Variants in SOD2 observed in about 807,000 individuals in gnomAD.
SOD2 encodes superoxide dismutase [Mn], mitochondrial.
In SOD2, 11 loss-of-function variants were observed where a neutral mutation model predicts 27.0. The observed-to-expected ratio is 0.41, with a 90% CI of 0.26 to 0.67. The LOEUF (loss-of-function observed/expected upper bound fraction) is 0.67, where lower values mean the gene tolerates loss of function less well. Ranked by LOEUF, SOD2 falls within the 30% of genes least tolerant of loss-of-function variation. The pLI is 0.34. For synonymous variants in SOD2, 105 were observed against 103.0 expected, an observed-to-expected ratio of 1.02 and a Z score of -0.12; for missense variants, 250 against 274.5, an observed-to-expected ratio of 0.91 and a Z score of 0.63.
chr6:159,716,616 T>C (rs1377046955), intron 1 of SOD2, among the ~76,000 whole-genome samples: 1 of 152,158 alleles, frequency 6.6e-6, no homozygotes, highest in African/African-American at 2.4e-5. Context: ...ATGACAGCCA[T>C]GCTTGCCTTA....
intron 1 of SOD2, among the ~76,000 whole-genome samples, chr6:159,720,085 C>A (rs1355549665): frequency 6.7e-6 from 1 of 149,476 alleles, no homozygotes; most frequent in South Asian, 2.1e-4. Context: ...GGCTGGAGTG[C>A]AGTGGCACGA....
chr6:159,761,914 G>C (rs1314319623), exon 1 of SOD2: 1 of 674,316 alleles, frequency 1.5e-6, no homozygotes, highest in Non-Finnish European at 2.4e-6. Flanking sequence ...GCCCGCCCCT[G>C]CTCCGGCCTT....
intron 2 of SOD2, chr6:159,691,294 T>G (rs955546875): frequency 6.6e-5 from 10 of 152,336 alleles, no homozygotes; most frequent in East Asian, 5.8e-4. Context: ...TGTTATTTCC[T>G]AAATCACGGG....
In SOD2 at chr6:159,762,162, C is replaced by T. The variant is rs758339068; in HGVS notation, c.-1461G>A. 3.1e-6 allele frequency: 5 copies of T among 1,606,372 alleles called. No individual in the cohort carries two copies. The South Asian group carries it at 3.3e-5, about 11-fold the overall frequency. The stretch of plus-strand genomic sequence containing the variant: ...TCATAGGTGAGTGGCCGGCGGGAGC[C>T]GCGCAGAGTCCGAGGCGCCTGCTGC... On this transcript the variant is annotated 5_prime_UTR_variant, in exon 1 of 8. Transcript: ENST00000546087.
At chr6:159,693,323 GC>G (rs1265065197), upstream of SOD2, 4 of 348,386 alleles carry the variant, frequency 1.1e-5, no homozygotes, top group Non-Finnish European at 1.8e-5. Context: ...GGGCACCGCC[GC>G]CCCGCCCCCC....
intron 1 of SOD2, among the ~76,000 whole-genome samples, chr6:159,735,209 C>A (rs747755607): frequency 6.6e-6 from 1 of 152,168 alleles, no homozygotes; most frequent in Non-Finnish European, 1.5e-5. Flanking sequence ...CGCGCCATCT[C>A]GGCTCACTGC....
At chr6:159,728,278 T>C (rs553058540), upstream of SOD2, among the ~76,000 whole-genome samples, 64 of 152,346 alleles carry the variant, frequency 4.2e-4, no homozygotes, top group African/African-American at 1.5e-3. Context: ...GATTTTTTTT[T>C]CACCGTTTTT....
chr6:159,702,832 A>AAGAGTGAAGGGCTTCTGTTTTT, intron 1 of SOD2, among the ~76,000 whole-genome samples: 1 of 133,448 alleles, frequency 7.5e-6, no homozygotes, highest in Non-Finnish European at 1.6e-5. Context: ...CCTGGGCGAC[A>AAGAGTGAAGGGCTTCTGTTTTT]GAGCAAGACC....
intron 1 of SOD2, among the ~76,000 whole-genome samples, chr6:159,706,856 A>C (rs559084113): frequency 3.6e-4 from 55 of 152,228 alleles, no homozygotes; most frequent in Non-Finnish European, 6.9e-4. Context: ...AAAACTGACC[A>C]CATAGTTGGA....
At chr6:159,725,199 C>T (rs1209902951) in intron 1 of SOD2, among the ~76,000 whole-genome samples, 1 of 152,144 alleles carries the variant, frequency 6.6e-6, no homozygotes, top group African/African-American at 2.4e-5. Context: ...CTCAGAGGGG[C>T]CAGTGGTGGT....
chr6:159,753,888 G>C (rs1029481307), intron 1 of SOD2, among the ~76,000 whole-genome samples: 31 of 152,148 alleles, frequency 2.0e-4, no homozygotes, highest in Non-Finnish European at 4.0e-4. Flanking sequence ...ATAAAAGGGT[G>C]TTGTATTACT....
At chr6:159,733,401 G>A (rs1778708436) in intron 1 of SOD2, among the ~76,000 whole-genome samples, 1 of 152,144 alleles carries the variant, frequency 6.6e-6, no homozygotes, top group Non-Finnish European at 1.5e-5. Flanking sequence ...TGGATTGCTT[G>A]CGCCCAGGAG....
chr6:159,741,494 G>A (rs1779252190), intron 1 of SOD2: 1 of 152,134 alleles, frequency 6.6e-6, no homozygotes, highest in African/African-American at 2.4e-5. Context: ...ACATATGAAA[G>A]CAGCAGTGGG....
chr6:159,698,625 AAAC>A (rs1008185897), intron 1 of SOD2, among the ~76,000 whole-genome samples: 14 of 151,724 alleles, frequency 9.2e-5, no homozygotes, highest in African/African-American at 3.1e-4. Context: ...AAAAAAAAAA[AAAC>A]AAGAAAAGAA....
intron 1 of SOD2, among the ~76,000 whole-genome samples, chr6:159,738,669 T>G (rs1407267496): frequency 6.6e-6 from 1 of 152,200 alleles, no homozygotes; most frequent in Non-Finnish European, 1.5e-5. Flanking sequence ...TATTCTCACC[T>G]GCAGTGTAGG....
intron 1 of SOD2, among the ~76,000 whole-genome samples, chr6:159,750,450 G>A (rs1779777251): frequency 6.6e-6 from 1 of 152,188 alleles, no homozygotes; most frequent in Non-Finnish European, 1.5e-5. Context: ...GATGAAAAGT[G>A]AGTGTCACTC....
intron 1 of SOD2, among the ~76,000 whole-genome samples, chr6:159,742,768 G>A (rs1334112256): frequency 6.6e-6 from 1 of 152,050 alleles, no homozygotes; most frequent in Non-Finnish European, 1.5e-5. Context: ...CATTGTGAAA[G>A]TTTAAGGCTA....
intron 1 of SOD2, among the ~76,000 whole-genome samples, chr6:159,710,737 C>T (rs201614672): frequency 3.5e-4 from 53 of 150,338 alleles, no homozygotes; most frequent in Admixed American, 1.2e-3. Context: ...ACTGCTCTGA[C>T]CACCATAACC....
rs1326880373 is a variant in SOD2, at chr6:159,676,272, ATGC to A, written c.*6218_*6220del. The A allele has an allele frequency of 1.3e-5, 2 of 152,230 alleles. No individual in the cohort carries two copies. The highest frequency in any genetic ancestry group is 2.4e-5 in the African/African-American group (1 of 41,468). 9.4% of individuals were successfully genotyped at this position (152,230 alleles called of 1,614,324 possible). ...GTATATACCCAAAGGATTATAAATC[ATGC>A]TGCTATAAAGACACATGCACACGTA... On this transcript the variant is annotated 3_prime_UTR_variant, in exon 5 of 5. Transcript: ENST00000538183.
Sources: gnomAD v4.1 joint callset for allele counts (sites outside exome capture counted in the v4.1 genomes callset) on GRCh38, gnomAD v4.1.1 for gene constraint, MANE v1.5 for transcripts, NCBI Gene and HGNC (gene_info 2026-07-23, HGNC 2026-07-21) for gene names.